Variants in PPP1CB observed in about 807,000 individuals in gnomAD.
PPP1CB encodes the protein serine/threonine-protein phosphatase PP1-beta catalytic subunit.
PPP1CB carries 2 observed loss-of-function variants against 43.7 expected under a neutral mutation model. The observed-to-expected ratio is 0.05, with a 90% CI of 0.02 to 0.14. PPP1CB has a LOEUF of 0.14. Ranked by LOEUF, PPP1CB falls within the 10% of genes least tolerant of loss-of-function variation. The pLI is 1.00. For synonymous variants in PPP1CB, 136 were observed against 135.6 expected, an observed-to-expected ratio of 1.00 and a Z score of -0.02; for missense variants, 84 against 398.0, an observed-to-expected ratio of 0.21 and a Z score of 6.71.
chr2:28,772,775 T>TA (rs1407576256), intron 1 of PPP1CB, among the ~76,000 whole-genome samples: 2 of 152,224 alleles, frequency 1.3e-5, no homozygotes, highest in East Asian at 3.8e-4. Context: ...CGTAATCTGA[T>TA]AATCTGAAAT....
At chr2:28,794,988 C>T (rs538607872) in intron 7 of PPP1CB, among the ~76,000 whole-genome samples, 2 of 152,088 alleles carry the variant, frequency 1.3e-5, no homozygotes, top group East Asian at 3.9e-4. Flanking sequence ...TTTCACATTC[C>T]CCCTCACCCT....
At position 28,801,817 on chromosome 2, in the gene PPP1CB, A is replaced by G. The variant is rs1362732557; in HGVS notation, c.*2514A>G. On this transcript the variant is annotated 3_prime_UTR_variant, in exon 8 of 8. Coordinates refer to ENST00000395366, the MANE Select transcript of PPP1CB (RefSeq NM_002709.3). ...ATGTGGTGTATCACATGGATTATAA[A>G]GCAAAGTTATGGTCGATTTCTATTC... 1 of 152,206 alleles carries G rather than the reference A, an allele frequency of 6.6e-6. No individual in the cohort carries two copies. Among genetic ancestry groups the G allele is most frequent in the African/African-American group, 2.4e-5 (1 of 41,454 alleles). The allele number at this position is 152,206 out of a possible 1,614,324, so 9.4% of individuals were successfully genotyped here.
intron 1 of PPP1CB, among the ~76,000 whole-genome samples, chr2:28,775,343 A>T (rs1232323815): frequency 6.6e-6 from 1 of 152,282 alleles, no homozygotes; most frequent in African/African-American, 2.4e-5. Context: ...TCCTGAGCTC[A>T]AGTGATCCAC....
chr2:28,759,151 A>G (rs1666579070), intron 1 of PPP1CB, among the ~76,000 whole-genome samples: 1 of 152,176 alleles, frequency 6.6e-6, no homozygotes, highest in Admixed American at 6.5e-5. Context: ...CATAGGCATA[A>G]TGTCATAGTG....
intron 1 of PPP1CB, among the ~76,000 whole-genome samples, chr2:28,769,476 C>T (rs1318321795): frequency 6.6e-6 from 1 of 152,152 alleles, no homozygotes; most frequent in Non-Finnish European, 1.5e-5. Context: ...TCTAGAATAT[C>T]CTTCAATAGT....
chr2:28,784,930 A>G (rs140177886), intron 5 of PPP1CB, among the ~76,000 whole-genome samples: 2,612 of 119,286 alleles, frequency 0.022, 43 homozygotes, highest in Non-Finnish European at 0.034. Flanking sequence ...AAAAAAAAAA[A>G]AAAAGAAAAA....
At chr2:28,794,660 T>C (rs935959712) in intron 7 of PPP1CB, among the ~76,000 whole-genome samples, 2 of 151,940 alleles carry the variant, frequency 1.3e-5, no homozygotes, top group African/African-American at 4.8e-5. Context: ...CACTGCACGC[T>C]AGCCTGGGCG....
intron 5 of PPP1CB, 136 bp from the exon 6 acceptor site, chr2:28,788,522 A>G (rs1572466494): frequency 2.2e-6 from 2 of 914,636 alleles, no homozygotes; most frequent in Non-Finnish European, 1.7e-6. Context: ...CATAGGCTGG[A>G]ATACTTAGGC....
intron 1 of PPP1CB, among the ~76,000 whole-genome samples, chr2:28,763,219 A>C (rs1360457874): frequency 6.6e-6 from 1 of 152,192 alleles, no homozygotes. Context: ...GTAGATTATT[A>C]AAGAGATGTA....
At chr2:28,789,538 A>G (rs1454543262) in intron 6 of PPP1CB, among the ~76,000 whole-genome samples, 2 of 151,944 alleles carry the variant, frequency 1.3e-5, no homozygotes, top group Non-Finnish European at 2.9e-5. Context: ...TGTAGTATAC[A>G]GCAAACCTAA....
chr2:28,796,277 T>C (rs1667496320), intron 7 of PPP1CB, among the ~76,000 whole-genome samples: 1 of 152,186 alleles, frequency 6.6e-6, no homozygotes, highest in African/African-American at 2.4e-5. Flanking sequence ...ATTCGGGCTC[T>C]TTTTCAATTT....
chr2:28,754,347 G>T (rs1449009682), intron 1 of PPP1CB, among the ~76,000 whole-genome samples: 2 of 232 alleles, frequency 8.6e-3, no homozygotes, highest in Non-Finnish European at 0.17. Context: ...TGGGGGGGCG[G>T]GGGGGGGGCG....
intron 7 of PPP1CB, among the ~76,000 whole-genome samples, chr2:28,798,736 G>A (rs1321493811): frequency 6.6e-6 from 1 of 151,932 alleles, no homozygotes; most frequent in Non-Finnish European, 1.5e-5. Flanking sequence ...TTTCTTTTTG[G>A]GGTGACAAAT....
chr2:28,768,281 A>G (rs1666826810), intron 1 of PPP1CB, among the ~76,000 whole-genome samples: 1 of 152,102 alleles, frequency 6.6e-6, no homozygotes, highest in Non-Finnish European at 1.5e-5. Flanking sequence ...ATAAAAAGTG[A>G]CGGTCTCACT....
At chr2:28,792,421 T>C (rs1186619949) in intron 6 of PPP1CB, among the ~76,000 whole-genome samples, 1 of 151,752 alleles carries the variant, frequency 6.6e-6, no homozygotes, top group Non-Finnish European at 1.5e-5. Flanking sequence ...CTCAGGAGGC[T>C]GAGGTGGGAA....
At chr2:28,786,221 C>T (rs183944900) in intron 5 of PPP1CB, among the ~76,000 whole-genome samples, 13 of 152,182 alleles carry the variant, frequency 8.5e-5, no homozygotes, top group African/African-American at 3.1e-4. Context: ...TCAAGCAGTT[C>T]TCTTGCTTCA....
At chr2:28,752,419 C>A (rs966476912) in intron 1 of PPP1CB, among the ~76,000 whole-genome samples, 3 of 152,132 alleles carry the variant, frequency 2.0e-5, no homozygotes, top group South Asian at 2.1e-4. Flanking sequence ...CCCTCGGGGG[C>A]CAGGCCCGCC....
chr2:28,798,880 G>C (rs1018263104), intron 7 of PPP1CB, among the ~76,000 whole-genome samples: 2 of 152,028 alleles, frequency 1.3e-5, no homozygotes, highest in African/African-American at 4.8e-5. Context: ...TCAGAATTAT[G>C]ATGACAACAT....
chr2:28,781,935 G>GT (rs1458184114), intron 4 of PPP1CB, 93 bp downstream of exon 4: 1 of 857,146 alleles, frequency 1.2e-6, no homozygotes. Context: ...AAACAAAGCA[G>GT]TGCTTGTATG....
Sources: gnomAD v4.1 joint callset for allele counts (sites outside exome capture counted in the v4.1 genomes callset) on GRCh38, gnomAD v4.1.1 for gene constraint, MANE v1.5 for transcripts, NCBI Gene and HGNC (gene_info 2026-07-23, HGNC 2026-07-21) for gene names.